The following ST6GALNAC3 variants were observed in gnomAD, a reference collection of about 807,000 sequenced individuals.
ST6GALNAC3 encodes ST6 N-acetylgalactosaminide alpha-2,6-sialyltransferase 3.
Under a neutral mutation model 32.7 loss-of-function variants are expected in ST6GALNAC3, and 25 were observed. The observed-to-expected ratio is 0.76, with a 90% CI of 0.56 to 1.07. The LOEUF is 1.07. Among genes scored for constraint, ST6GALNAC3 ranks in the 50% least tolerant of loss-of-function variants. The probability of loss-of-function intolerance (pLI) is 0.00; values close to 1 mark genes in which losing one functional copy is unlikely to be tolerated. For synonymous variants in ST6GALNAC3, 129 were observed against 133.1 expected, an observed-to-expected ratio of 0.97 and a Z score of 0.21; for missense variants, 355 against 382.4, an observed-to-expected ratio of 0.93 and a Z score of 0.60.
intron 1 of ST6GALNAC3, among the ~76,000 whole-genome samples, chr1:76,236,044 C>T (rs947777291): frequency 9.9e-5 from 15 of 151,940 alleles, no homozygotes; most frequent in African/African-American, 1.5e-4. Flanking sequence ...GATGTGATCT[C>T]GGCTCACTGC....
chr1:76,569,013 C>T (rs565113652), intron 3 of ST6GALNAC3, among the ~76,000 whole-genome samples: 3 of 152,154 alleles, frequency 2.0e-5, no homozygotes, highest in East Asian at 3.9e-4. Flanking sequence ...TACCGAATGG[C>T]GTACAAAACA....
chr1:76,385,333 C>A (rs1557842598), intron 2 of ST6GALNAC3, among the ~76,000 whole-genome samples: 1 of 151,996 alleles, frequency 6.6e-6, no homozygotes, highest in Non-Finnish European at 1.5e-5. Context: ...TAGATATAAC[C>A]ACTTATAGTA....
At chr1:76,419,940 CTTTCTT>C (rs1654908836) in intron 3 of ST6GALNAC3, among the ~76,000 whole-genome samples, 1 of 127,670 alleles carries the variant, frequency 7.8e-6, no homozygotes. Flanking sequence ...TTCTTTCTTT[CTTTCTT>C]TTTTTTTTTT....
At chr1:76,455,746 C>T (rs948832621) in intron 3 of ST6GALNAC3, among the ~76,000 whole-genome samples, 1 of 152,118 alleles carries the variant, frequency 6.6e-6, no homozygotes, top group African/African-American at 2.4e-5. Flanking sequence ...CTCTTTTACC[C>T]CAGCATTTTG....
At chr1:76,267,655 G>A (rs895396880) in intron 1 of ST6GALNAC3, among the ~76,000 whole-genome samples, 2 of 152,036 alleles carry the variant, frequency 1.3e-5, no homozygotes, top group South Asian at 2.1e-4. Flanking sequence ...TATCACCTCC[G>A]TAAAATTGCA....
intron 3 of ST6GALNAC3, among the ~76,000 whole-genome samples, chr1:76,461,642 C>T (rs992844081): frequency 6.6e-6 from 1 of 152,106 alleles, no homozygotes; most frequent in Non-Finnish European, 1.5e-5. Flanking sequence ...CTTGGGATAC[C>T]ATTTTGCAAG....
At chr1:76,476,469 G>A (rs983575072) in intron 3 of ST6GALNAC3, among the ~76,000 whole-genome samples, 1 of 152,162 alleles carries the variant, frequency 6.6e-6, no homozygotes. Context: ...TTTTTTAAAA[G>A]AGAGAGAAAA....
chr1:76,110,350 T>G (rs1647835401), intron 1 of ST6GALNAC3, among the ~76,000 whole-genome samples: 1 of 152,244 alleles, frequency 6.6e-6, no homozygotes, highest in Admixed American at 6.5e-5. Flanking sequence ...AGACTTTGAC[T>G]TCTTTAAAAA....
intron 1 of ST6GALNAC3, among the ~76,000 whole-genome samples, chr1:76,185,477 C>T (rs1653492633): frequency 6.6e-6 from 1 of 152,152 alleles, no homozygotes; most frequent in African/African-American, 2.4e-5. Context: ...ATCTGGAAAA[C>T]ATAAAATATG....
intron 1 of ST6GALNAC3, among the ~76,000 whole-genome samples, chr1:76,119,073 G>A (rs370059384): frequency 5.9e-5 from 9 of 152,248 alleles, no homozygotes; most frequent in African/African-American, 2.2e-4. Flanking sequence ...CACCCACCAC[G>A]ACCTCCCAAA....
At chr1:76,559,999 T>A (rs559147425) in intron 3 of ST6GALNAC3, among the ~76,000 whole-genome samples, 3 of 152,146 alleles carry the variant, frequency 2.0e-5, no homozygotes, top group East Asian at 1.9e-4. Flanking sequence ...GGAGCTCCAA[T>A]AAAGCATAGA....
At chr1:76,109,626 G>A (rs1234910963) in intron 1 of ST6GALNAC3, among the ~76,000 whole-genome samples, 1 of 152,236 alleles carries the variant, frequency 6.6e-6, no homozygotes, top group Non-Finnish European at 1.5e-5. Context: ...CGGTCTGGCG[G>A]ATCTGTTCTC....
At chr1:76,186,385 G>A (rs1263421753) in intron 1 of ST6GALNAC3, among the ~76,000 whole-genome samples, 13 of 152,084 alleles carry the variant, frequency 8.5e-5, no homozygotes, top group African/African-American at 7.2e-5. Flanking sequence ...AAGAATTAAC[G>A]TGTATGAGAC....
intron 3 of ST6GALNAC3, chr1:76,577,256 A>C (rs1646825894): frequency 1.0e-6 from 1 of 993,078 alleles, no homozygotes; most frequent in African/African-American, 1.7e-5. Context: ...TACTGAATGG[A>C]GAGCTTTCTG....
intron 3 of ST6GALNAC3, among the ~76,000 whole-genome samples, chr1:76,539,875 A>G (rs1393951656): frequency 6.6e-6 from 1 of 152,134 alleles, no homozygotes; most frequent in African/African-American, 2.4e-5. Context: ...GGTGAGGCTG[A>G]GGAGAAATAA....
chr1:76,350,306 C>T lies in ST6GALNAC3; in HGVS notation c.213+36307C>T, dbSNP rs111793695. Among the ~76,000 whole-genome samples, 11 of 152,102 alleles carry T rather than the reference C, an allele frequency of 7.2e-5. No homozygotes were observed. The East Asian group carries it at 9.7e-4, about 13-fold the overall frequency. The stretch of plus-strand genomic sequence containing the variant: ...CCTCCTGAGTAGCTAAGATGACAGG[C>T]GCACATCACTGTCCCTAGCACAAAA... On this transcript the variant is annotated intron_variant, in intron 2 of 4. Transcript: ENST00000328299.
Position 76,313,937 on chromosome 1 carries a change from TC to T in ST6GALNAC3, c.153del (p.Tyr52ThrfsTer14), listed in dbSNP as rs777253864. The T allele has an allele frequency of 6.2e-7, 1 of 1,613,498 alleles. No homozygotes were observed. Among genetic ancestry groups the T allele is most frequent in the Non-Finnish European group, 8.5e-7 (1 of 1,179,648 alleles). On this transcript the variant is annotated frameshift_variant, in exon 2 of 5. Coordinates refer to ENST00000328299, the MANE Select transcript of ST6GALNAC3 (RefSeq NM_152996.4). LOFTEE classifies it high-confidence loss of function. Reference protein sequence around the residue: ...GQPGTKWIPFSYTYRRPLRTH... With the variant: ...GQPGTKWIPFXYTYRRPLRTH... ...ACCTGGTACAAAGTGGATACCATTCTCCTACACATACAGGCGGCCCCTTCGA... is the reference window on the plus strand; with the variant it reads ...ACCTGGTACAAAGTGGATACCATTCTCTACACATACAGGCGGCCCCTTCGA...
At chr1:76,401,755 C>T (rs892902335) in intron 2 of ST6GALNAC3, among the ~76,000 whole-genome samples, 12 of 152,162 alleles carry the variant, frequency 7.9e-5, no homozygotes, top group Admixed American at 2.0e-4. Context: ...AATAGGTTGA[C>T]AGATTTTATA....
At chr1:76,215,145 C>T (rs2100585850) in intron 1 of ST6GALNAC3, among the ~76,000 whole-genome samples, 1 of 152,198 alleles carries the variant, frequency 6.6e-6, no homozygotes, top group Non-Finnish European at 1.5e-5. Context: ...GTGGATGACC[C>T]AAGATGGAGT....
Sources: allele counts gnomAD v4.1 joint callset (sites outside exome capture counted in the v4.1 genomes callset), GRCh38; gene constraint gnomAD v4.1.1; transcripts MANE v1.5; gene names NCBI Gene and HGNC (gene_info 2026-07-23, HGNC 2026-07-21).